The following ATP6V0A2 variants were observed in gnomAD, a reference collection of about 807,000 sequenced individuals.
ATP6V0A2 encodes V-type proton ATPase 116 kDa subunit a 2.
A neutral mutation model predicts 104.4 loss-of-function variants in ATP6V0A2; 58 were observed. The ratio of observed to expected loss-of-function variants is 0.56; its 90% CI spans 0.45 to 0.69. The LOEUF (loss-of-function observed/expected upper bound fraction) is 0.69. ATP6V0A2 is among the 30% of genes least tolerant of loss of function. ATP6V0A2 has a pLI of 0.00. For synonymous variants in ATP6V0A2, 376 were observed against 397.9 expected, an observed-to-expected ratio of 0.95 and a Z score of 0.65; for missense variants, 938 against 1,062.9, an observed-to-expected ratio of 0.88 and a Z score of 1.63.
chr12:123,722,226 A>C, intron 2 of ATP6V0A2, 125 bp from the exon 3 acceptor site: 1 of 760,572 alleles, frequency 1.3e-6, no homozygotes, highest in Non-Finnish European at 2.3e-6. Flanking sequence ...GGGACAAGCA[A>C]GATTTTTGTG....
intron 18 of ATP6V0A2, among the ~76,000 whole-genome samples, chr12:123,755,825 G>A (rs1233828804): frequency 2.0e-5 from 3 of 151,996 alleles, no homozygotes; most frequent in Admixed American, 2.0e-4. Flanking sequence ...GCTCACGCCT[G>A]TAATCCCAGC....
intron 13 of ATP6V0A2, among the ~76,000 whole-genome samples, chr12:123,745,689 G>A (rs1041402446): frequency 2.0e-5 from 3 of 149,426 alleles, no homozygotes; most frequent in African/African-American, 7.4e-5. Flanking sequence ...CTGGGCAACG[G>A]AGCGAGAGAC....
chr12:123,754,423 A>T lies in ATP6V0A2; in HGVS notation c.2179A>T (p.Asn727Tyr). 6.2e-7 allele frequency: 1 copy of T among 1,606,862 alleles called. No individual in the cohort carries two copies. The highest frequency in any genetic ancestry group is 1.7e-5 in the Admixed American group (1 of 60,012). ...TATGTTGTGTGATCTCTCTCAGTTT[A>T]ATTTTGGAGAAATATTAATGACCCA... ...GCREMACEEF[N>Y]FGEILMTQVI... The change falls in exon 18 of 20, where the codon AAT becomes TAT. Residue 727 changes from asparagine (N) to tyrosine (Y), a missense_variant. By Grantham distance (143) the Asn-to-Tyr change is moderately radical. Coordinates refer to ENST00000330342, the MANE Select transcript of ATP6V0A2 (RefSeq NM_012463.4).
chr12:123,737,101 A>G lies in ATP6V0A2; in HGVS notation c.868A>G (p.Lys290Glu), dbSNP rs772170459. The G allele has an allele frequency of 1.2e-4, 197 of 1,614,132 alleles. No homozygotes were observed. Among genetic ancestry groups the G allele is most frequent in the Non-Finnish European group, 1.6e-4 (185 of 1,180,050 alleles). Residue 290 changes from lysine to glutamate, a missense_variant, in exon 9 of 20, where the codon AAA becomes GAA. Lys to Glu is a moderately conservative substitution (Grantham distance 56, BLOSUM62 1). Transcript: ENST00000330342. ...TEDYLRQVLC[K>E]AAESVYSRVI... is the part of the protein sequence containing the mutation. Reference sequence around the variant, plus strand: ...GGACTATTTGAGGCAAGTGCTATGTAAAGCCGCCGAGTCTGTCTACAGCCG... The same window carrying G: ...GGACTATTTGAGGCAAGTGCTATGTGAAGCCGCCGAGTCTGTCTACAGCCG...
rs1019626406 is a variant in ATP6V0A2 at position 123,726,271 on chromosome 12, G to C, written c.507G>C (p.Leu169=). ...SLLDYSCMQR[L]GAKLGFVSGL... ...TGGATTACAGCTGTATGCAGAGGCT[G>C]GGAGCAAAACTGGGGTAGGTGACAA... is the stretch of plus-strand genomic sequence containing the variant. The change falls in exon 5 of 20, where the codon CTG becomes CTC. Residue 169 remains leucine, a synonymous_variant. Coordinates refer to ENST00000330342, the MANE Select transcript of ATP6V0A2 (RefSeq NM_012463.4). 1 of 1,613,748 alleles carries C rather than the reference G, an allele frequency of 6.2e-7. No homozygotes were observed. The highest frequency in any genetic ancestry group is 8.5e-7 in the Non-Finnish European group (1 of 1,179,620).
intron 9 of ATP6V0A2, among the ~76,000 whole-genome samples, chr12:123,743,348 C>T (rs993406056): frequency 3.3e-5 from 5 of 152,194 alleles, no homozygotes; most frequent in African/African-American, 1.2e-4. Flanking sequence ...GCCACACACA[C>T]AGCGTTGCCA....
chr12:123,757,940 A>G lies in ATP6V0A2; in HGVS notation c.2479A>G (p.Asn827Asp), dbSNP rs1395765476. The part of the protein sequence containing the change: ...AIRLHWVEFQ[N>D]KFYVGAGTKF... ...TTTTTTTTTTAGGGTAGAATTTCAG[A>G]ACAAATTCTACGTTGGTGCAGGCAC... The change falls in exon 20 of 20, where the codon AAC (asparagine) becomes GAC (aspartate). Residue 827 changes from asparagine (N) to aspartate (D), a missense_variant. By Grantham distance (23) the Asn-to-Asp change is conservative. Transcript: ENST00000330342. 28 of 1,599,162 alleles carry G rather than the reference A, an allele frequency of 1.8e-5. No individual in the cohort carries two copies. Among genetic ancestry groups the G allele is most frequent in the Non-Finnish European group, 2.4e-5 (28 of 1,173,748 alleles).
chr12:123,734,049 T>C, intron 7 of ATP6V0A2, 41 bp downstream of exon 7: 1 of 1,499,440 alleles, frequency 6.7e-7, no homozygotes, highest in African/African-American at 1.4e-5. Flanking sequence ...TGTCTTTATA[T>C]TCAGTCACCT....
intron 2 of ATP6V0A2, among the ~76,000 whole-genome samples, chr12:123,719,990 CCT>C (rs1477273273): frequency 6.6e-6 from 1 of 152,184 alleles, no homozygotes; most frequent in Non-Finnish European, 1.5e-5. Context: ...AGGGCTGCCT[CCT>C]CTGTCGTGGA....
At chr12:123,738,174 G>A (rs1051002920) in intron 9 of ATP6V0A2, among the ~76,000 whole-genome samples, 5 of 152,200 alleles carry the variant, frequency 3.3e-5, no homozygotes, top group African/African-American at 1.2e-4. Flanking sequence ...GGAGGCCGAG[G>A]CGGGTGGATC....
Position 123,750,714 on chromosome 12 carries a change from A to G in ATP6V0A2, c.1936-396A>G, listed in dbSNP as rs150865479. 9.8e-4 allele frequency: 260 copies of G among 264,618 alleles called. 1 individual carries two copies. In the Middle Eastern group the frequency reaches 0.013, roughly 14 times the overall value. 16.4% of individuals were successfully genotyped at this position (264,618 alleles called of 1,614,324 possible). On this transcript the variant is annotated intron_variant, in intron 15 of 19. Transcript: ENST00000330342. The stretch of plus-strand genomic sequence containing the variant: ...TAAATCCACTTGCTGATTCACACTC[A>G]TAGTCCTCAGACGGTCTTTATAATC...
chr12:123,755,987 A>G (rs1254647480), intron 18 of ATP6V0A2, among the ~76,000 whole-genome samples: 1 of 150,310 alleles, frequency 6.7e-6, no homozygotes, highest in Non-Finnish European at 1.5e-5. Context: ...AGGCTGAGGC[A>G]GGAGAATGGT....
rs1255015864 is a variant in ATP6V0A2, at chr12:123,761,728, G to C, written c.*3696G>C. The C allele has an allele frequency of 6.6e-6, 1 of 152,132 alleles. No individual in the cohort carries two copies. The highest frequency in any genetic ancestry group is 2.4e-5 in the African/African-American group (1 of 41,418). The allele number at this position is 152,132 out of a possible 1,614,324, so 9.4% of individuals were successfully genotyped here. A position where few individuals can be genotyped will look rare whatever the true frequency, so the allele number is the denominator to read the frequency against. ...CAGTATTTAACTTCCTTTTGCTAATGACAAATAAATATATCTATATTTTTA... is the reference window on the plus strand; with the variant it reads ...CAGTATTTAACTTCCTTTTGCTAATCACAAATAAATATATCTATATTTTTA... On this transcript the variant is annotated 3_prime_UTR_variant, in exon 20 of 20. Transcript: ENST00000330342.
At chr12:123,745,115 C>T in intron 13 of ATP6V0A2, 143 bp downstream of exon 13, 2 of 875,100 alleles carry the variant, frequency 2.3e-6, no homozygotes, top group African/African-American at 1.7e-5. Flanking sequence ...GCATCCCAGT[C>T]CCGGACACTG....
intron 9 of ATP6V0A2, among the ~76,000 whole-genome samples, chr12:123,739,457 G>A (rs1320404746): frequency 1.3e-5 from 2 of 152,172 alleles, no homozygotes; most frequent in African/African-American, 2.4e-5. Context: ...TTGGTAGTCA[G>A]CTTGTGTCTA....
At chr12:123,756,563 C>T in intron 18 of ATP6V0A2, 1 of 515,052 alleles carries the variant, frequency 1.9e-6, no homozygotes, top group Non-Finnish European at 3.5e-6. Flanking sequence ...CAAACCTAGT[C>T]TGGGGCAAGA....
At chr12:123,732,991 C>T (rs567886988) in intron 6 of ATP6V0A2, 1 of 152,116 alleles carries the variant, frequency 6.6e-6, no homozygotes, top group South Asian at 2.1e-4. Flanking sequence ...CAGGGTGATT[C>T]TTATTATTTA....
At position 123,744,950 on chromosome 12, in the gene ATP6V0A2, C is replaced by T. The variant is rs1040068549; in HGVS notation, c.1583C>T (p.Pro528Leu). ...DPSIPGVFRG[P>L]YPLGIDPIWN... ...AGCATTCCTGGAGTGTTCCGAGGCCCTTATCCCCTTGGCATTGATCCTGTG... is the reference window on the plus strand; with the variant it reads ...AGCATTCCTGGAGTGTTCCGAGGCCTTTATCCCCTTGGCATTGATCCTGTG... Residue 528 changes from proline (P) to leucine (L), a missense_variant, in exon 13 of 20, where the codon CCT becomes CTT. Physicochemically the swap from Pro to Leu is moderately conservative, Grantham distance 98. Transcript: ENST00000330342. The surrounding 1 kb of genome is among the most constrained non-coding windows in gnomAD (Gnocchi z 5.4). 1 of 1,614,212 alleles carries T rather than the reference C, an allele frequency of 6.2e-7. No homozygotes were observed. The highest frequency in any genetic ancestry group is 1.3e-5 in the African/African-American group (1 of 75,046).
chr12:123,756,327 T>A (rs2135923079), intron 18 of ATP6V0A2: 1 of 123,500 alleles, frequency 8.1e-6, no homozygotes, highest in Non-Finnish European at 1.7e-5. Flanking sequence ...TTTTTTTTTT[T>A]AGTTAAAAAA....
Sources: allele counts gnomAD v4.1 joint callset (sites outside exome capture counted in the v4.1 genomes callset), GRCh38; gene constraint gnomAD v4.1.1; non-coding constraint Gnocchi (gnomAD v3.1); transcripts MANE v1.5; gene names NCBI Gene and HGNC (gene_info 2026-07-23, HGNC 2026-07-21).